The following CCDC7 variants were observed in gnomAD, a reference collection of about 807,000 sequenced individuals.
CCDC7 encodes the protein coiled-coil domain containing 7, also known as coiled-coil domain-containing protein 7.
In CCDC7, 183 loss-of-function variants were observed where a neutral mutation model predicts 196.9. That is an observed-to-expected ratio of 0.93 (90% confidence interval 0.82 to 1.05). CCDC7 has a LOEUF of 1.05. Ranked by LOEUF, CCDC7 falls within the 50% of genes least tolerant of loss-of-function variation. The pLI is 0.00. For synonymous variants in CCDC7, 525 were observed against 484.6 expected (o/e 1.08, Z -1.10); for missense variants, 1,540 against 1,482.2 (o/e 1.04, Z -0.64).
intron 28 of CCDC7, among the ~76,000 whole-genome samples, chr10:32,774,290 C>T (rs959703577): frequency 1.4e-5 from 2 of 145,724 alleles, no homozygotes; most frequent in African/African-American, 2.5e-5. Flanking sequence ...GAACCTTCCC[C>T]TTTTTTTTTT....
chr10:32,758,142 T>C (rs2076789469), intron 28 of CCDC7, among the ~76,000 whole-genome samples: 1 of 152,086 alleles, frequency 6.6e-6, no homozygotes, highest in Non-Finnish European at 1.5e-5. Flanking sequence ...CAGGACCAGA[T>C]GGATTCACAA....
intron 28 of CCDC7, among the ~76,000 whole-genome samples, chr10:32,744,139 T>TA (rs11453717): frequency 0.26 from 37,016 of 144,524 alleles, 5,115 homozygotes; most frequent in South Asian, 0.44. Context: ...AAGTATAATT[T>TA]AAAAAAAAAG....
chr10:32,757,453 C>T (rs1184059699), intron 28 of CCDC7, among the ~76,000 whole-genome samples: 2 of 152,214 alleles, frequency 1.3e-5, no homozygotes, highest in Admixed American at 6.5e-5. Context: ...GAAACTCACT[C>T]AAAACCGCCC....
At chr10:32,502,090 A>T (rs1464119887) in intron 9 of CCDC7, among the ~76,000 whole-genome samples, 2 of 152,172 alleles carry the variant, frequency 1.3e-5, no homozygotes, top group African/African-American at 2.4e-5. Flanking sequence ...ACCAAGGTCG[A>T]GTATCCCAGG....
chr10:32,498,691 A>G (rs2043305619), intron 9 of CCDC7, among the ~76,000 whole-genome samples: 1 of 152,076 alleles, frequency 6.6e-6, no homozygotes, highest in Non-Finnish European at 1.5e-5. Flanking sequence ...TCTTTTCTTT[A>G]AGAATGTTGA....
intron 16 of CCDC7, among the ~76,000 whole-genome samples, chr10:32,575,179 A>G (rs2058052180): frequency 6.6e-6 from 1 of 152,216 alleles, no homozygotes; most frequent in African/African-American, 2.4e-5. Flanking sequence ...AGGTATTAAC[A>G]ATGAAGAAAA....
Position 32,490,933 on chromosome 10 carries a change from G to T in CCDC7, c.797-989G>T, listed in dbSNP as rs189312342. On this transcript the variant is annotated intron_variant, in intron 8 of 41. Transcript: ENST00000639629. ...GCTGGCTTCTCCCAGTATCCTATTT[G>T]AATCTTTGAGGAATATTGACTCTCT... Among the ~76,000 whole-genome samples the T allele has an allele frequency of 4.4e-3, 662 of 152,118 alleles. 10 individuals are homozygous for T. Among genetic ancestry groups the T allele is most frequent in the Middle Eastern group, 3.4e-3 (1 of 294 alleles).
chr10:32,829,246 G>T (rs1182836221), intron 32 of CCDC7, among the ~76,000 whole-genome samples: 1 of 152,154 alleles, frequency 6.6e-6, no homozygotes, highest in Non-Finnish European at 1.5e-5. Context: ...AGGAATGAAG[G>T]TTTGGGTCAC....
chr10:32,446,949 C>CCTTCCCCTCTTCCCGT (rs1564594566), upstream of CCDC7, among the ~76,000 whole-genome samples: 1 of 16,612 alleles, frequency 6.0e-5, no homozygotes, highest in Non-Finnish European at 9.2e-5. Flanking sequence ...TTCCCTTCCT[C>CCTTCCCCTCTTCCCGT]CCTCCCTCCC....
At chr10:32,828,540 GAAGA>G (rs2091717371) in intron 32 of CCDC7, among the ~76,000 whole-genome samples, 1 of 149,476 alleles carries the variant, frequency 6.7e-6, no homozygotes, top group Non-Finnish European at 1.5e-5. Flanking sequence ...AGAAGAAGAA[GAAGA>G]AGAAGAAGAA....
intron 28 of CCDC7, among the ~76,000 whole-genome samples, chr10:32,777,861 C>T (rs1439710947): frequency 6.6e-6 from 1 of 152,202 alleles, no homozygotes; most frequent in African/African-American, 2.4e-5. Flanking sequence ...GAGACTCCGT[C>T]TCAAAATAAT....
intron 41 of CCDC7, among the ~76,000 whole-genome samples, chr10:32,858,463 CA>C (rs903070202): frequency 5.3e-4 from 80 of 152,198 alleles, no homozygotes; most frequent in African/African-American, 1.8e-3. Flanking sequence ...AAAACAACAA[CA>C]AAATTGAACA....
chr10:32,721,340 G>A (rs1200973865), intron 25 of CCDC7, among the ~76,000 whole-genome samples: 1 of 152,110 alleles, frequency 6.6e-6, no homozygotes, highest in Non-Finnish European at 1.5e-5. Context: ...CCTCAGTCCT[G>A]TGTCAGTGTC....
At chr10:32,493,215 A>G (rs2042407388) in intron 9 of CCDC7, among the ~76,000 whole-genome samples, 1 of 151,746 alleles carries the variant, frequency 6.6e-6, no homozygotes, top group South Asian at 2.1e-4. Flanking sequence ...CTCTATTTCC[A>G]TGAGTTTGAC....
At position 32,797,669 on chromosome 10, in the gene CCDC7, A is replaced by C. The variant is rs76461350; in HGVS notation, c.3014-7346A>C. Reference sequence around the variant, plus strand: ...CCAATGATTATGGAAATAAAAACATAGTTTAAAAAATAAATAAAAAATAAA... The same window carrying C: ...CCAATGATTATGGAAATAAAAACATCGTTTAAAAAATAAATAAAAAATAAA... On this transcript the variant is annotated intron_variant, in intron 29 of 41. Transcript: ENST00000639629. Among the ~76,000 whole-genome samples, 1,206 of 152,338 alleles carry C rather than the reference A, an allele frequency of 7.9e-3. 7 individuals carry two copies. Among genetic ancestry groups the C allele is most frequent in the Middle Eastern group, 0.02 (6 of 294 alleles).
chr10:32,487,060 TCTC>T (rs1275502644), intron 8 of CCDC7, among the ~76,000 whole-genome samples: 3 of 152,184 alleles, frequency 2.0e-5, no homozygotes, highest in African/African-American at 4.8e-5. Flanking sequence ...TTGGGGAAGT[TCTC>T]CTGGATAATA....
At chr10:32,596,566 CT>C (rs112429305) in intron 18 of CCDC7, among the ~76,000 whole-genome samples, 5 of 152,200 alleles carry the variant, frequency 3.3e-5, no homozygotes, top group African/African-American at 1.2e-4. Context: ...GAATTTGATC[CT>C]GTCATTATGA....
chr10:32,814,279 C>T (rs2087866538), intron 30 of CCDC7, 91 bp from the exon 32 acceptor site: 3 of 874,738 alleles, frequency 3.4e-6, no homozygotes, highest in Admixed American at 2.0e-5. Context: ...AAGTTAGTAA[C>T]ACACACACAT....
At chr10:32,806,836 T>C (rs888888605) in intron 30 of CCDC7, among the ~76,000 whole-genome samples, 6 of 152,000 alleles carry the variant, frequency 3.9e-5, no homozygotes, top group Admixed American at 2.0e-4. Context: ...ATAGTAACAA[T>C]GTTGAAAGAT....
Sources: allele counts gnomAD v4.1 joint callset (sites outside exome capture counted in the v4.1 genomes callset), GRCh38; gene constraint gnomAD v4.1.1; transcripts MANE v1.5; gene names NCBI Gene and HGNC (gene_info 2026-07-23, HGNC 2026-07-21).